The following ZNF66 variants were observed in gnomAD, a reference collection of about 807,000 sequenced individuals.
ZNF66 encodes zinc finger protein 66.
A neutral mutation model predicts 35.2 loss-of-function variants in ZNF66; 32 were observed. The observed-to-expected ratio is 0.91, with a 90% CI of 0.69 to 1.22. The LOEUF is 1.22. Among genes scored for constraint, ZNF66 ranks in the 50% most tolerant of loss-of-function variants. ZNF66 has a pLI of 0.00. For missense variants in ZNF66, 666 were observed against 543.1 expected (o/e 1.23, Z -2.25); for synonymous variants, 231 against 181.3 (o/e 1.27, Z -2.20).
intron 1 of ZNF66, among the ~76,000 whole-genome samples, chr19:20,791,553 G>GA (rs5827479): frequency 0.17 from 25,527 of 149,992 alleles, 2,477 homozygotes; most frequent in African/African-American, 0.26. Flanking sequence ...CAGAAATTCT[G>GA]AAAAAAATTA....
chr19:20,792,273 A>C (rs1327325970), intron 1 of ZNF66, among the ~76,000 whole-genome samples: 1 of 152,112 alleles, frequency 6.6e-6, no homozygotes, highest in Admixed American at 6.6e-5. Flanking sequence ...CCTTAATTTT[A>C]TAGTTTATTT....
rs373540392 is a variant in ZNF66, at chr19:20,803,987, A to G, written c.227-1840A>G. ...AGACTATGCTTATAAATGACACATC[A>G]TTTTTATCTTACAGCTCCCAAAATT... is the stretch of plus-strand genomic sequence containing the variant. On this transcript the variant is annotated intron_variant, in intron 3 of 3. Transcript: ENST00000344519. 2.0e-4 allele frequency among the ~76,000 whole-genome samples: 31 copies of G among 152,160 alleles called. 1 individual carries two copies. In the East Asian group the frequency reaches 4.1e-3, roughly 20 times the overall value.
Position 20,806,012 on chromosome 19 carries a change from A to G in ZNF66, c.412A>G (p.Thr138Ala), listed in dbSNP as rs1853643492. ...TTATAATGGACTTAACCAATGTTTG[A>G]CAACTACCCAAAGCAAAATGTTTCA... Reference protein sequence around the residue: ...RGYNGLNQCLTTTQSKMFQCD... With the variant: ...RGYNGLNQCLATTQSKMFQCD... Residue 138 changes from threonine (T) to alanine (A), a missense_variant, in exon 4 of 4, where the codon ACA becomes GCA. Transcript: ENST00000344519. 1.2e-6 allele frequency: 1 copy of G among 808,762 alleles called. No homozygotes were observed. Among genetic ancestry groups the G allele is most frequent in the Non-Finnish European group, 2.1e-6 (1 of 466,380 alleles). 50.1% of individuals were successfully genotyped at this position (808,762 alleles called of 1,614,324 possible).
At position 20,797,189 on chromosome 19, in the gene ZNF66, A is replaced by ATTTTTT. The variant is rs142052913; in HGVS notation, c.226+3342_226+3347dup. On this transcript the variant is annotated intron_variant, in intron 3 of 3. Transcript: ENST00000344519. ...ATAATGCATCAATGTTGCATGCTAGATTTTTTTTTTTTTTTTTTTTTTTTT... is the reference window on the plus strand; with the variant it reads ...ATAATGCATCAATGTTGCATGCTAGATTTTTTTTTTTTTTTTTTTTTTTTTTTTTTT... Among the ~76,000 whole-genome samples the ATTTTTT allele has an allele frequency of 7.3e-4, 33 of 45,478 alleles. 8 individuals carry two copies. The highest frequency in any genetic ancestry group is 1.1e-3 in the Non-Finnish European group (27 of 24,166). 29.8% of individuals were successfully genotyped at this position (45,478 alleles called of 152,430 possible).
intron 1 of ZNF66, among the ~76,000 whole-genome samples, chr19:20,781,561 G>A (rs1187633028): frequency 6.6e-6 from 1 of 151,122 alleles, no homozygotes; most frequent in Non-Finnish European, 1.5e-5. Flanking sequence ...CCAGGCTGGA[G>A]TGCAATGGTG....
At chr19:20,801,640 C>T (rs984041731) in intron 3 of ZNF66, among the ~76,000 whole-genome samples, 8 of 151,786 alleles carry the variant, frequency 5.3e-5, no homozygotes, top group Admixed American at 1.3e-4. Context: ...CCACTGCATC[C>T]GGCCTCATGT....
At chr19:20,792,273 A>G (rs1327325970) in intron 1 of ZNF66, among the ~76,000 whole-genome samples, 1 of 152,112 alleles carries the variant, frequency 6.6e-6, no homozygotes, top group African/African-American at 2.4e-5. Flanking sequence ...CCTTAATTTT[A>G]TAGTTTATTT....
chr19:20,801,184 C>T (rs1971444270), intron 3 of ZNF66, among the ~76,000 whole-genome samples: 1 of 151,914 alleles, frequency 6.6e-6, no homozygotes, highest in Admixed American at 6.6e-5. Context: ...TTTCATGGTA[C>T]ATAACTTTTT....
chr19:20,795,336 C>T (rs527684849), intron 3 of ZNF66, among the ~76,000 whole-genome samples: 2 of 151,834 alleles, frequency 1.3e-5, no homozygotes, highest in South Asian at 4.2e-4. Context: ...AGAAGCATTT[C>T]CTTAGGGAAC....
chr19:20,790,058 CAG>C (rs1971321868), intron 1 of ZNF66, among the ~76,000 whole-genome samples: 1 of 152,152 alleles, frequency 6.6e-6, no homozygotes, highest in African/African-American at 2.4e-5. Context: ...TCAGCTTTGA[CAG>C]GGGACTTGTT....
intron 2 of ZNF66, 132 bp from the exon 3 acceptor site, chr19:20,793,651 T>A: frequency 2.3e-6 from 1 of 432,874 alleles, no homozygotes; most frequent in African/African-American, 2.1e-5. Flanking sequence ...TATTTAGAAA[T>A]CTCTGTTACA....
intron 3 of ZNF66, chr19:20,794,164 C>T (rs1971369825): frequency 2.3e-6 from 1 of 440,718 alleles, no homozygotes; most frequent in Non-Finnish European, 4.2e-6. Context: ...ATATAAGAGA[C>T]AGCACAATCC....
In ZNF66 at chr19:20,808,995, T is replaced by C. The variant is rs1181046734; in HGVS notation, c.*1673T>C. Among the ~76,000 whole-genome samples the C allele has an allele frequency of 1.3e-5, 2 of 152,102 alleles. No homozygotes were observed. The highest frequency in any genetic ancestry group is 2.4e-5 in the African/African-American group (1 of 41,404). ...AATGCAGAGAAATGCTTAAAGGAGC[T>C]GATGGAGCTGAAAGCCAAGGATCAA... On this transcript the variant is annotated 3_prime_UTR_variant, in exon 4 of 4. Transcript: ENST00000344519.
Position 20,808,921 on chromosome 19 carries a change from C to T in ZNF66, c.*1599C>T, listed in dbSNP as rs2144926665. Among the ~76,000 whole-genome samples, 2 of 143,146 alleles carry T rather than the reference C, an allele frequency of 1.4e-5. No homozygotes were observed. Among genetic ancestry groups the T allele is most frequent in the Middle Eastern group, 7.2e-3 (2 of 278 alleles). The allele number at this position is 143,146 out of a possible 152,430, so 93.9% of individuals were successfully genotyped here. A position where few individuals can be genotyped will look rare whatever the true frequency, so the allele number is the denominator to read the frequency against. On this transcript the variant is annotated 3_prime_UTR_variant, in exon 4 of 4. Transcript: ENST00000344519. ...CCGAGCTACAGGAGGAAATTCAAAC[C>T]AAAGGCAAAGAAGTTAAAAAATTAG... is the stretch of plus-strand genomic sequence containing the variant.
intron 3 of ZNF66, 64 bp downstream of exon 3, chr19:20,793,942 G>T: frequency 1.3e-6 from 1 of 755,938 alleles, no homozygotes; most frequent in Non-Finnish European, 2.1e-6. Context: ...CAAAAAGAAA[G>T]CCAGTCCTTA....
chr19:20,806,756 G>T lies in ZNF66; in HGVS notation c.1156G>T (p.Ala386Ser). ...CTTTAAGTACTCCTGTTCCCTTACTGCACATAAGATAATTCATACTGGAAA... is the reference window on the plus strand; with the variant it reads ...CTTTAAGTACTCCTGTTCCCTTACTTCACATAAGATAATTCATACTGGAAA... ...EAFKYSCSLT[A>S]HKIIHTGKKP... The change falls in exon 4 of 4, where the codon GCA (alanine) becomes TCA (serine). Residue 386 changes from alanine to serine, a missense_variant. Physicochemically the swap from Ala to Ser is moderately conservative, Grantham distance 99 (BLOSUM62 1). Transcript: ENST00000344519. The T allele has an allele frequency of 7.5e-7, 1 of 1,324,860 alleles. No individual in the cohort carries two copies. Among genetic ancestry groups the T allele is most frequent in the Non-Finnish European group, 1.1e-6 (1 of 923,970 alleles). 82.1% of individuals were successfully genotyped at this position (1,324,860 alleles called of 1,614,324 possible).
At chr19:20,780,513 G>A (rs1971236088) in intron 1 of ZNF66, among the ~76,000 whole-genome samples, 1 of 152,168 alleles carries the variant, frequency 6.6e-6, no homozygotes, top group South Asian at 2.1e-4. Flanking sequence ...CAGAAGCATA[G>A]ATGGGCCCAT....
Position 20,807,470 on chromosome 19 carries a change from T to A in ZNF66, c.*148T>A. The A allele has an allele frequency of 1.9e-6, 1 of 525,060 alleles. No homozygotes were observed. The highest frequency in any genetic ancestry group is 3.4e-5 in the South Asian group (1 of 29,048). The allele number at this position is 525,060 out of a possible 1,614,324, so 32.5% of individuals were successfully genotyped here. On this transcript the variant is annotated 3_prime_UTR_variant, in exon 4 of 4. Transcript: ENST00000344519. ...ACACAAACACTACAAATATAAAGAATGTGACAAAGCTTTTAGGAAGTTCTC... is the reference window on the plus strand; with the variant it reads ...ACACAAACACTACAAATATAAAGAAAGTGACAAAGCTTTTAGGAAGTTCTC...
intron 2 of ZNF66, among the ~76,000 whole-genome samples, chr19:20,793,297 A>C (rs970413162): frequency 1.7e-5 from 2 of 116,358 alleles, no homozygotes; most frequent in African/African-American, 3.2e-5. Context: ...AATTGAAAGT[A>C]TTTTCTTTTC....
Sources: gnomAD v4.1 joint callset for allele counts (sites outside exome capture counted in the v4.1 genomes callset) on GRCh38, gnomAD v4.1.1 for gene constraint, MANE v1.5 for transcripts, NCBI Gene and HGNC (gene_info 2026-07-23, HGNC 2026-07-21) for gene names.